Variants in COPB2 observed in about 807,000 individuals in gnomAD.
The protein encoded by COPB2 is coatomer subunit beta'.
A neutral mutation model predicts 120.8 loss-of-function variants in COPB2; 16 were observed. The observed-to-expected ratio is 0.13, with a 90% confidence interval of 0.09 to 0.20. COPB2 has a LOEUF of 0.20. Ranked by LOEUF, COPB2 falls within the 10% of genes least tolerant of loss-of-function variation. The probability of loss-of-function intolerance (pLI) is 1.00; values close to 1 mark genes in which losing one functional copy is unlikely to be tolerated. For synonymous variants in COPB2, 332 were observed against 366.3 expected, an observed-to-expected ratio of 0.91 and a Z score of 1.07; for missense variants, 794 against 1,076.5, an observed-to-expected ratio of 0.74 and a Z score of 3.67.
At chr3:139,389,183 T>C (rs1941999679) in intron 1 of COPB2, among the ~76,000 whole-genome samples, 2 of 150,718 alleles carry the variant, frequency 1.3e-5, no homozygotes, top group South Asian at 2.1e-4. Flanking sequence ...GTAGATTAAC[T>C]ACCACCGTTT....
At chr3:139,369,929 T>G (rs1941590504) in intron 10 of COPB2, among the ~76,000 whole-genome samples, 1 of 152,244 alleles carries the variant, frequency 6.6e-6, no homozygotes, top group African/African-American at 2.4e-5. Flanking sequence ...AACATTATAC[T>G]GAACAAAAGA....
Position 139,358,808 on chromosome 3 carries a change from T to C in COPB2, c.2489A>G (p.Asn830Ser). 1 of 1,612,258 alleles carries C rather than the reference T, an allele frequency of 6.2e-7. No individual in the cohort carries two copies. Residue 830 changes from asparagine (N) to serine (S), a missense_variant, in exon 20 of 22, where the codon AAT (asparagine) becomes AGT (serine). By Grantham distance (46) the Asn-to-Ser change is conservative. Transcript: ENST00000333188. ...PAKQYPLVTP[N>S]EERNVMEEGK... The stretch of plus-strand genomic sequence containing the variant: ...CTCTTCCATGACATTTCTCTCTTCA[T>C]TTGGCTATCAGAGAATAAAGCAATG...
rs1941769926 is a variant in COPB2, at chr3:139,379,486, T to C, written c.142-20A>G. The C allele has an allele frequency of 6.3e-7, 1 of 1,596,176 alleles. No homozygotes were observed. ...CAGTGTCTTTAAAATGTAACAAGAA[T>C]ACACAAATTGAGCTATAAGAAAATA... is the stretch of plus-strand genomic sequence containing the variant. On this transcript the variant is annotated intron_variant, in intron 2 of 21. Coordinates refer to ENST00000333188, the MANE Select transcript of COPB2 (RefSeq NM_004766.3).
intron 2 of COPB2, chr3:139,381,867 C>A (rs1941820870): frequency 6.9e-6 from 1 of 145,896 alleles, no homozygotes; most frequent in African/African-American, 2.5e-5. Context: ...AACATAAAAT[C>A]AGAAATATTT....
In COPB2 at chr3:139,371,074, G is replaced by A. The variant is rs180777603; in HGVS notation, c.1205+649C>T. 2.3e-3 allele frequency among the ~76,000 whole-genome samples: 351 copies of A among 152,274 alleles called. 5 individuals are homozygous for A. The East Asian group carries it at 0.027, about 12-fold the overall frequency. ...TGTGAAAATGTAATTCAGTTGTGTG[G>A]TCTGAAAACACTAAACCCCTAATGT... On this transcript the variant is annotated intron_variant, in intron 10 of 21. Coordinates refer to ENST00000333188, the MANE Select transcript of COPB2 (RefSeq NM_004766.3).
intron 1 of COPB2, among the ~76,000 whole-genome samples, chr3:139,388,802 T>C (rs1472201740): frequency 6.6e-6 from 1 of 151,772 alleles, no homozygotes; most frequent in African/African-American, 2.4e-5. Context: ...ATTTCTTTTT[T>C]TTTTTTTTGC....
Position 139,367,022 on chromosome 3 carries a change from A to C in COPB2, c.1669T>G (p.Leu557Val), listed in dbSNP as rs1941530264. The stretch of plus-strand genomic sequence containing the variant: ...AAAATGATACTCAGGTACCTGTCCA[A>C]GTGGGCAATGGTGACTATTTCTCCT... ...VGGEIVTIAH[L>V]DRTMYLLGYI... Residue 557 changes from leucine (L) to valine (V), a missense_variant, in exon 14 of 22, where the codon TTG (leucine) becomes GTG (valine). Leu to Val is a conservative substitution (Grantham distance 32). Around this residue, in one of 3 missense-constraint regions of COPB2, gnomAD observed 610 missense variants for 866.7 expected, o/e 0.70. Transcript: ENST00000333188. 1.2e-6 allele frequency: 2 copies of C among 1,609,584 alleles called. No individual in the cohort carries two copies. Among genetic ancestry groups the C allele is most frequent in the Non-Finnish European group, 1.7e-6 (2 of 1,178,842 alleles).
rs769112546 is a variant in COPB2, at chr3:139,389,560, G to A, written c.-10C>T. On this transcript the variant is annotated 5_prime_UTR_variant, in exon 1 of 22. Coordinates refer to ENST00000333188, the MANE Select transcript of COPB2 (RefSeq NM_004766.3). Reference sequence around the variant, plus strand: ...GATCTGGACCTACCATGGCTGCGTCGGTCCAATCCCGGGAACCCTCGTTTG... The same window carrying A: ...GATCTGGACCTACCATGGCTGCGTCAGTCCAATCCCGGGAACCCTCGTTTG... 6.4e-7 allele frequency: 1 copy of A among 1,574,082 alleles called. No individual in the cohort carries two copies. Among genetic ancestry groups the A allele is most frequent in the Non-Finnish European group, 8.7e-7 (1 of 1,152,886 alleles).
At chr3:139,369,680 T>C in intron 10 of COPB2, 136 bp from the exon 11 acceptor site, 1 of 630,880 alleles carries the variant, frequency 1.6e-6, no homozygotes, top group Non-Finnish European at 2.7e-6. Context: ...TTATCTGATG[T>C]ACTGTTTTCC....
At chr3:139,358,459 A>G in intron 20 of COPB2, 188 bp from the exon 21 acceptor site, 1 of 620,666 alleles carries the variant, frequency 1.6e-6, no homozygotes, top group Non-Finnish European at 2.8e-6. Flanking sequence ...CAGGTGGATC[A>G]TGAGGTCAGG....
At chr3:139,362,324 T>G in intron 16 of COPB2, 83 bp downstream of exon 16, 1 of 906,902 alleles carries the variant, frequency 1.1e-6, no homozygotes, top group Non-Finnish European at 1.6e-6. Context: ...GGGAAAACTT[T>G]AATAACAAAA....
intron 15 of COPB2, 57 bp from the exon 16 acceptor site, chr3:139,362,574 TTATA>T (rs57549985): frequency 2.6e-3 from 1,995 of 764,166 alleles, no homozygotes; most frequent in Middle Eastern, 3.5e-3. Context: ...TATGTATGTT[TTATA>T]TATATATATA....
rs1385789007 is a variant in COPB2, at chr3:139,373,291, T to C, written c.1016A>G (p.Glu339Gly). 1 of 1,614,074 alleles carries C rather than the reference T, an allele frequency of 6.2e-7. No individual in the cohort carries two copies. The highest frequency in any genetic ancestry group is 8.5e-7 in the Non-Finnish European group (1 of 1,180,038). ...AMGDAEIKDG[E>G]RLPLAVKDMG... ...ATCCTTTACTGCCAGTGGCAATCTT[T>C]CACCATCTTTAATTTCAGCATCTCC... Residue 339 changes from glutamate to glycine, a missense_variant, in exon 9 of 22, where the codon GAA becomes GGA. Transcript: ENST00000333188.
chr3:139,388,808 T>G (rs1941988330), intron 1 of COPB2, among the ~76,000 whole-genome samples: 1 of 151,734 alleles, frequency 6.6e-6, no homozygotes, highest in South Asian at 2.1e-4. Flanking sequence ...TTTTTTTTTT[T>G]TTGCATTTTC....
chr3:139,385,749 T>TTTCTCCA (rs1332902425), intron 1 of COPB2, among the ~76,000 whole-genome samples: 1 of 152,214 alleles, frequency 6.6e-6, no homozygotes, highest in Non-Finnish European at 1.5e-5. Flanking sequence ...GAATAACTAT[T>TTTCTCCA]TTCTCCATTC....
rs1462858495 is a variant in COPB2 at position 139,362,520 on chromosome 3, A to G, written c.1885-3T>C. ...GTAAGAGCTTGCTGCTTGAAGCCCT[A>G]AACAGATTTTTAAAAATTATATATA... On this transcript the variant is annotated splice_polypyrimidine_tract_variant and splice_region_variant and intron_variant, in intron 15 of 21. Coordinates refer to ENST00000333188, the MANE Select transcript of COPB2 (RefSeq NM_004766.3). 4 of 1,588,108 alleles carry G rather than the reference A, an allele frequency of 2.5e-6. No homozygotes were observed. In the African/African-American group the frequency reaches 5.4e-5, roughly 22 times the overall value.
intron 7 of COPB2, 59 bp from the exon 8 acceptor site, chr3:139,373,867 C>G: frequency 6.3e-7 from 1 of 1,595,946 alleles, no homozygotes; most frequent in Non-Finnish European, 8.5e-7. Context: ...TAAACTGTGT[C>G]AGGTGAAAGA....
chr3:139,379,234 A>G (rs1159164920), intron 3 of COPB2, 61 bp from the exon 4 acceptor site: 5 of 1,555,182 alleles, frequency 3.2e-6, no homozygotes, highest in African/African-American at 1.4e-5. Context: ...CAAAAAAACT[A>G]TATCACAGGC....
chr3:139,373,695 C>A lies in COPB2; in HGVS notation c.865G>T (p.Gly289Cys). Residue 289 changes from glycine to cysteine, a missense_variant, in exon 8 of 22, where the codon GGC becomes TGC. Transcript: ENST00000333188. ...ACAATGATGCTCCCTTCATCATAGC[C>A]CAAAGCGACATTGTTTGACCCTCTT... ...SLRGSNNVAL[G>C]YDEGSIIVKL... is the part of the protein sequence containing the mutation. 1 of 1,614,098 alleles carries A rather than the reference C, an allele frequency of 6.2e-7. No individual in the cohort carries two copies. The highest frequency in any genetic ancestry group is 8.5e-7 in the Non-Finnish European group (1 of 1,179,996).
Sources: allele counts gnomAD v4.1 joint callset (sites outside exome capture counted in the v4.1 genomes callset), GRCh38; gene constraint gnomAD v4.1.1; regional missense constraint gnomAD v4.1.1; transcripts MANE v1.5; gene names NCBI Gene and HGNC (gene_info 2026-07-23, HGNC 2026-07-21).